Variants in RBM28 observed in about 807,000 individuals in gnomAD.
The protein encoded by RBM28 is RNA-binding protein 28.
Under a neutral mutation model 98.3 loss-of-function variants are expected in RBM28, and 78 were observed. That is an observed-to-expected ratio of 0.79 (90% CI 0.66 to 0.96). RBM28 has a LOEUF of 0.96. Among genes scored for constraint, RBM28 ranks in the 40% least tolerant of loss-of-function variants. RBM28 has a pLI of 0.00. For synonymous variants in RBM28, 306 were observed against 330.9 expected (o/e 0.92, Z 0.82); for missense variants, 838 against 913.0 (o/e 0.92, Z 1.06).
At chr7:128,340,493 T>A (rs1796701806) in intron 1 of RBM28, among the ~76,000 whole-genome samples, 1 of 152,208 alleles carries the variant, frequency 6.6e-6, no homozygotes, top group South Asian at 2.1e-4. Context: ...CACTAAACTT[T>A]GGACTTCTCA....
rs1019209741 is a variant in RBM28, at chr7:128,304,007, G to A, written c.*6790C>T. On this transcript the variant is annotated 3_prime_UTR_variant, in exon 19 of 19. Coordinates refer to ENST00000223073, the MANE Select transcript of RBM28 (RefSeq NM_018077.3). ...TACTTGGACAACTAAAAAAGCAAGT[G>A]GGGACATCTCAAAGAGTGGGCTGGC... 1 of 152,168 alleles carries A rather than the reference G, an allele frequency of 6.6e-6. No homozygotes were observed. Among genetic ancestry groups the A allele is most frequent in the African/African-American group, 2.4e-5 (1 of 41,442 alleles). The allele number at this position is 152,168 out of a possible 1,614,324, so 9.4% of individuals were successfully genotyped here. A position where few individuals can be genotyped will look rare whatever the true frequency, so the allele number is the denominator to read the frequency against.
rs191655718 is a variant in RBM28, at chr7:128,328,580, C to A, written c.1129+2239G>T. On this transcript the variant is annotated intron_variant, in intron 10 of 18. Transcript: ENST00000223073. ...CATGAACTCTGTTAACATTAATAGA[C>A]CGCAAGGGATATCTAGTCAGTCAAT... Among the ~76,000 whole-genome samples the A allele has an allele frequency of 3.9e-5, 6 of 152,238 alleles. No homozygotes were observed. The South Asian group carries it at 1.2e-3, about 32-fold the overall frequency.
chr7:128,339,847 C>A, intron 1 of RBM28, 56 bp from the exon 2 acceptor site: 1 of 1,563,310 alleles, frequency 6.4e-7, no homozygotes, highest in Admixed American at 1.7e-5. Flanking sequence ...GAGAGAGAAT[C>A]ATAAGCCAAG....
At position 128,321,126 on chromosome 7, in the gene RBM28, G is replaced by A. The variant is rs147725088; in HGVS notation, c.1563+140C>T. ...GGTTGCAGTGAGTCAAGATTGCACC[G>A]CTGCACTACAGCCTGGGCAACAGAG... On this transcript the variant is annotated intron_variant, in intron 14 of 18. Transcript: ENST00000223073. 915 of 1,162,644 alleles carry A rather than the reference G, an allele frequency of 7.9e-4. 6 individuals carry two copies. In the African/African-American group the frequency reaches 0.012, roughly 15 times the overall value. 72.0% of individuals were successfully genotyped at this position (1,162,644 alleles called of 1,614,324 possible). A position where few individuals can be genotyped will look rare whatever the true frequency, so the allele number is the denominator to read the frequency against.
rs2116293949 is a variant in RBM28, at chr7:128,300,671, CTGT to C, written c.*10123_*10125del. Reference sequence around the variant, plus strand: ...CTGTGCTATGTTTTAGTAAAGAGGGCTGTTCCCTGAGAGCAAAATTGGCAAGTG... The same window carrying C: ...CTGTGCTATGTTTTAGTAAAGAGGGCTCCCTGAGAGCAAAATTGGCAAGTG... On this transcript the variant is annotated 3_prime_UTR_variant, in exon 19 of 19. Coordinates refer to ENST00000223073, the MANE Select transcript of RBM28 (RefSeq NM_018077.3). 1 of 152,398 alleles carries C rather than the reference CTGT, an allele frequency of 6.6e-6. No homozygotes were observed. The highest frequency in any genetic ancestry group is 1.5e-5 in the Non-Finnish European group (1 of 68,052). 9.4% of individuals were successfully genotyped at this position (152,398 alleles called of 1,614,324 possible). A position where few individuals can be genotyped will look rare whatever the true frequency, so the allele number is the denominator to read the frequency against.
rs1376797512 is a variant in RBM28, at chr7:128,304,192, A to G, written c.*6605T>C. 1 of 152,016 alleles carries G rather than the reference A, an allele frequency of 6.6e-6. No homozygotes were observed. The highest frequency in any genetic ancestry group is 1.5e-5 in the Non-Finnish European group (1 of 68,022). 9.4% of individuals were successfully genotyped at this position (152,016 alleles called of 1,614,324 possible). ...AGCACATAATTTATAAATAAAATAT[A>G]CAATGCCATTTATTGTAATTCTAGA... On this transcript the variant is annotated 3_prime_UTR_variant, in exon 19 of 19. Coordinates refer to ENST00000223073, the MANE Select transcript of RBM28 (RefSeq NM_018077.3).
intron 16 of RBM28, among the ~76,000 whole-genome samples, chr7:128,317,156 C>A (rs112231535): frequency 6.6e-6 from 1 of 152,108 alleles, no homozygotes; most frequent in Non-Finnish European, 1.5e-5. Context: ...AAGTTCAGAG[C>A]GGTAATAACT....
At chr7:128,317,844 C>T in intron 15 of RBM28, 111 bp from the exon 16 acceptor site, 2 of 1,542,522 alleles carry the variant, frequency 1.3e-6, no homozygotes, top group Admixed American at 3.4e-5. Flanking sequence ...TTTTTGTCCA[C>T]TTGCCACTGT....
At chr7:128,319,052 G>C (rs1385205163) in intron 14 of RBM28, among the ~76,000 whole-genome samples, 3 of 152,122 alleles carry the variant, frequency 2.0e-5, no homozygotes, top group Non-Finnish European at 4.4e-5. Flanking sequence ...TAAACATCTG[G>C]GGCACCAAAG....
At chr7:128,314,514 CA>C in intron 17 of RBM28, among the ~76,000 whole-genome samples, 1 of 152,334 alleles carries the variant, frequency 6.6e-6, no homozygotes, top group Non-Finnish European at 1.5e-5. Context: ...GCCATCTGGA[CA>C]AGAGGAAGCT....
At chr7:128,328,099 A>G (rs545150396) in intron 10 of RBM28, among the ~76,000 whole-genome samples, 469 of 152,292 alleles carry the variant, frequency 3.1e-3, no homozygotes, top group Non-Finnish European at 5.0e-3. Flanking sequence ...AGCACTACTC[A>G]GGTGACATCT....
chr7:128,322,070 C>G (rs992197681), intron 13 of RBM28, among the ~76,000 whole-genome samples: 3 of 150,978 alleles, frequency 2.0e-5, no homozygotes, highest in Admixed American at 6.6e-5. Flanking sequence ...AATTCCCTAG[C>G]TCAAAATGTA....
intron 10 of RBM28, among the ~76,000 whole-genome samples, chr7:128,330,371 C>CTT (rs72352301): frequency 0.39 from 32,739 of 83,430 alleles, 7,857 homozygotes; most frequent in Non-Finnish European, 0.48. Context: ...GTCCCTGGTC[C>CTT]TTTTTTTTTT....
At chr7:128,335,101 C>G (rs973460894) in intron 8 of RBM28, among the ~76,000 whole-genome samples, 1 of 152,192 alleles carries the variant, frequency 6.6e-6, no homozygotes, top group Non-Finnish European at 1.5e-5. Context: ...TTATGTCAGT[C>G]CAAACTGACT....
chr7:128,321,237 G>C, intron 14 of RBM28, 29 bp downstream of exon 14: 2 of 1,613,656 alleles, frequency 1.2e-6, no homozygotes, highest in Non-Finnish European at 1.7e-6. Flanking sequence ...CAGAATGAAA[G>C]CTCCAAAATG....
chr7:128,333,403 G>A (rs1321603555), intron 8 of RBM28, 41 bp from the exon 9 acceptor site: 1 of 1,464,062 alleles, frequency 6.8e-7, no homozygotes, highest in Non-Finnish European at 9.6e-7. Context: ...AGAGATTAGT[G>A]TAAGCCACAT....
Position 128,313,229 on chromosome 7 carries a change from T to C in RBM28, c.2091A>G (p.Pro697=), listed in dbSNP as rs369195016. 1.4e-5 allele frequency: 23 copies of C among 1,614,234 alleles called. No homozygotes were observed. Among genetic ancestry groups the C allele is most frequent in the Non-Finnish European group, 1.9e-5 (23 of 1,180,040 alleles). ...GCTTCCACTGGTTTATCTGTGGCTTTGGCTTTTTGGGATGGACGGGCTTCA... is the reference window on the plus strand; with the variant it reads ...GCTTCCACTGGTTTATCTGTGGCTTCGGCTTTTTGGGATGGACGGGCTTCA... ...GKVKPVHPKK[P]KPQINQWKQE... Residue 697 remains proline, a synonymous_variant, in exon 18 of 19, where the codon CCA becomes CCG. Coordinates refer to ENST00000223073, the MANE Select transcript of RBM28 (RefSeq NM_018077.3).
rs760802229 is a variant in RBM28, at chr7:128,325,850, T to C, written c.1171A>G (p.Lys391Glu). 6.2e-7 allele frequency: 1 copy of C among 1,613,794 alleles called. No homozygotes were observed. Among genetic ancestry groups the C allele is most frequent in the Admixed American group, 1.7e-5 (1 of 60,034 alleles). Residue 391 changes from lysine (K) to glutamate (E), a missense_variant, in exon 11 of 19, where the codon AAA becomes GAA. Physicochemically the swap from Lys to Glu is moderately conservative, Grantham distance 56. Coordinates refer to ENST00000223073, the MANE Select transcript of RBM28 (RefSeq NM_018077.3). ...TCTGGAGAAGCAGCTAGAAGGCATT[T>C]CTGAGCTGCTTCTTGAGTCATGAAC... The part of the protein sequence containing the change: ...AQFMTQEAAQ[K>E]CLLAASPENE...
At chr7:128,337,686 T>C (rs1037025130) in intron 5 of RBM28, among the ~76,000 whole-genome samples, 1 of 151,684 alleles carries the variant, frequency 6.6e-6, no homozygotes, top group Non-Finnish European at 1.5e-5. Context: ...GCCTCTTGAG[T>C]AGCTGGGATT....
Sources: allele counts gnomAD v4.1 joint callset (sites outside exome capture counted in the v4.1 genomes callset), GRCh38; gene constraint gnomAD v4.1.1; transcripts MANE v1.5; gene names NCBI Gene and HGNC (gene_info 2026-07-23, HGNC 2026-07-21).